The following DGKH variants were observed in gnomAD, a reference collection of about 807,000 sequenced individuals.
The protein encoded by DGKH is DAG kinase eta.
DGKH carries 90 observed loss-of-function variants against 159.3 expected under a neutral mutation model. The ratio of observed to expected loss-of-function variants is 0.57; its 90% CI spans 0.48 to 0.67. The LOEUF (loss-of-function observed/expected upper bound fraction) is 0.67, where lower values mean the gene tolerates loss of function less well. DGKH is among the 30% of genes least tolerant of loss of function. DGKH has a pLI of 0.00. For missense variants in DGKH, 1,181 were observed against 1,506.1 expected (o/e 0.78, Z 3.57); for synonymous variants, 536 against 553.8 (o/e 0.97, Z 0.45).
chr13:42,183,035 T>C (rs1956817367), intron 13 of DGKH, among the ~76,000 whole-genome samples: 1 of 152,116 alleles, frequency 6.6e-6, no homozygotes, highest in African/African-American at 2.4e-5. Flanking sequence ...ATGCCTATAA[T>C]CTCAACACTT....
At chr13:42,048,037 C>A (rs1880922623), upstream of DGKH, among the ~76,000 whole-genome samples, 4 of 140,528 alleles carry the variant, frequency 2.8e-5, no homozygotes, top group South Asian at 6.6e-4. The surrounding 1 kb of genome is among the most constrained non-coding windows in gnomAD (Gnocchi z 6.7). Flanking sequence ...GGGGGTGGGC[C>A]AGAAACTGAA....
intron 7 of DGKH, among the ~76,000 whole-genome samples, chr13:42,165,000 C>T (rs1029705673): frequency 2.6e-4 from 39 of 152,102 alleles, no homozygotes; most frequent in African/African-American, 8.7e-4. Context: ...CCTTCTTCTT[C>T]CTTTTCCCCT....
intron 1 of DGKH, among the ~76,000 whole-genome samples, chr13:42,084,958 A>G (rs898370813): frequency 1.3e-5 from 2 of 152,034 alleles, no homozygotes; most frequent in African/African-American, 4.8e-5. Flanking sequence ...ATAGATATGT[A>G]TGCATTCTGG....
chr13:42,155,112 G>C (rs915631888), intron 3 of DGKH, among the ~76,000 whole-genome samples, 179 bp from the exon 4 acceptor site: 7 of 152,036 alleles, frequency 4.6e-5, no homozygotes, highest in Non-Finnish European at 8.8e-5. Flanking sequence ...AAGGATCAAA[G>C]GTAGAAAAAC....
Position 42,092,942 on chromosome 13 carries a change from C to T in DGKH, c.193-34521C>T, listed in dbSNP as rs116655685. On this transcript the variant is annotated intron_variant, in intron 1 of 29. Coordinates refer to ENST00000337343, the MANE Select transcript of DGKH (RefSeq NM_178009.5). ...GGTATACAAATCATCAGCAAGCACA[C>T]GAAAAGATGCTCAGCATTGGCCGGG... Among the ~76,000 whole-genome samples, 431 of 152,068 alleles carry T rather than the reference C, an allele frequency of 2.8e-3. 2 individuals are homozygous for T. Among genetic ancestry groups the T allele is most frequent in the African/African-American group, 1.0e-2 (414 of 41,498 alleles).
chr13:42,196,378 C>T (rs1957204220), intron 17 of DGKH, among the ~76,000 whole-genome samples: 2 of 152,014 alleles, frequency 1.3e-5, no homozygotes, highest in Admixed American at 1.3e-4. Context: ...TCACAATAGC[C>T]CCAAAGTGGA....
At chr13:42,224,686 C>G (rs1285999614) in intron 29 of DGKH, among the ~76,000 whole-genome samples, 1 of 151,992 alleles carries the variant, frequency 6.6e-6, no homozygotes, top group Non-Finnish European at 1.5e-5. Context: ...CTGGCTCCTC[C>G]CTGGGCTATG....
intron 1 of DGKH, among the ~76,000 whole-genome samples, chr13:42,050,965 C>T (rs1205118691): frequency 6.6e-6 from 1 of 152,130 alleles, no homozygotes; most frequent in Non-Finnish European, 1.5e-5. Context: ...TTATACTGTT[C>T]GAAAGAAAAC....
At chr13:42,073,930 C>T (rs1337162766) in intron 1 of DGKH, among the ~76,000 whole-genome samples, 1 of 152,138 alleles carries the variant, frequency 6.6e-6, no homozygotes, top group Non-Finnish European at 1.5e-5. Context: ...TGCACAATGG[C>T]TTTGGCATTT....
chr13:42,201,800 C>T (rs1037269), intron 20 of DGKH, among the ~76,000 whole-genome samples: 15,014 of 152,072 alleles, frequency 0.099, 2,086 homozygotes, highest in African/African-American at 0.31. Context: ...TTCATCGTTA[C>T]CGTATCAAAT....
At chr13:42,067,482 G>A (rs1882662174) in intron 1 of DGKH, among the ~76,000 whole-genome samples, 1 of 152,052 alleles carries the variant, frequency 6.6e-6, no homozygotes, top group Non-Finnish European at 1.5e-5. Flanking sequence ...TCCTCACCAA[G>A]CACATATCTG....
In DGKH at chr13:42,227,041, G is replaced by A. The variant is rs568413174; in HGVS notation, c.3574-2058G>A. Among the ~76,000 whole-genome samples, 115 of 152,202 alleles carry A rather than the reference G, an allele frequency of 7.6e-4. 2 individuals are homozygous for A. The highest frequency in any genetic ancestry group is 2.5e-3 in the African/African-American group (104 of 41,512). ...AATCAAACACCACACGTTCTTGTAA[G>A]TGGGAGCTAAACAATGAGAACACAT... On this transcript the variant is annotated intron_variant, in intron 29 of 29. Transcript: ENST00000337343.
intron 24 of DGKH, among the ~76,000 whole-genome samples, chr13:42,213,180 A>G (rs942407090): frequency 4.6e-5 from 7 of 152,338 alleles, no homozygotes; most frequent in Middle Eastern, 3.4e-3. Flanking sequence ...AGTTGTCCCT[A>G]TAAAAAATGA....
At chr13:42,087,313 A>T (rs564649169) in intron 1 of DGKH, among the ~76,000 whole-genome samples, 12 of 152,292 alleles carry the variant, frequency 7.9e-5, no homozygotes, top group Non-Finnish European at 7.3e-5. Context: ...AGTGTATCCC[A>T]CTACAAAGCC....
intron 12 of DGKH, among the ~76,000 whole-genome samples, chr13:42,176,587 C>CTTTTGAAACAGTA (rs778264605): frequency 4.9e-4 from 74 of 151,966 alleles, no homozygotes; most frequent in Non-Finnish European, 7.4e-5. Context: ...GTAACATAAC[C>CTTTTGAAACAGTA]ACTTGTGGAA....
rs1370533098 is a variant in DGKH at position 42,119,100 on chromosome 13, A to T, written c.193-8363A>T. On this transcript the variant is annotated intron_variant, in intron 1 of 29. Coordinates refer to ENST00000337343, the MANE Select transcript of DGKH (RefSeq NM_178009.5). ...TGTTCTGTGTTTGGGTTTAGGAATT[A>T]TGGGCTGCCTACCTTGGGTGACACC... Among the ~76,000 whole-genome samples, 4 of 152,282 alleles carry T rather than the reference A, an allele frequency of 2.6e-5. No individual in the cohort carries two copies. The East Asian group carries it at 7.7e-4, about 29-fold the overall frequency.
intron 11 of DGKH, among the ~76,000 whole-genome samples, chr13:42,171,764 A>G (rs1397461135): frequency 1.3e-5 from 2 of 151,660 alleles, no homozygotes; most frequent in Non-Finnish European, 2.9e-5. Context: ...TGACTTTGAG[A>G]TGCTCAATAT....
intron 1 of DGKH, among the ~76,000 whole-genome samples, chr13:42,082,340 A>G (rs1954217408): frequency 6.6e-6 from 1 of 152,052 alleles, no homozygotes; most frequent in African/African-American, 2.4e-5. Flanking sequence ...ATTTTAAAAG[A>G]GTATTTTTCT....
chr13:42,061,799 G>C (rs1206971079), intron 1 of DGKH, among the ~76,000 whole-genome samples: 1 of 151,938 alleles, frequency 6.6e-6, no homozygotes, highest in Non-Finnish European at 1.5e-5. Flanking sequence ...AATTTTTATT[G>C]AGTTCTATTC....
Sources: allele counts gnomAD v4.1 joint callset (sites outside exome capture counted in the v4.1 genomes callset), GRCh38; gene constraint gnomAD v4.1.1; non-coding constraint Gnocchi (gnomAD v3.1); transcripts MANE v1.5; gene names NCBI Gene and HGNC (gene_info 2026-07-23, HGNC 2026-07-21).